The following HCRTR2 variants were observed in gnomAD, a reference collection of about 807,000 sequenced individuals.
HCRTR2 encodes orexin receptor type 2.
Under a neutral mutation model 49.0 loss-of-function variants are expected in HCRTR2, and 22 were observed. The ratio of observed to expected loss-of-function variants is 0.45; its 90% CI spans 0.32 to 0.64. The LOEUF (loss-of-function observed/expected upper bound fraction) is 0.64. HCRTR2 is among the 30% of genes least tolerant of loss of function. The pLI is 0.04. For synonymous variants in HCRTR2, 236 were observed against 205.3 expected (o/e 1.15, Z -1.28); for missense variants, 491 against 559.4 (o/e 0.88, Z 1.23).
chr6:55,205,193 CT>C (rs977589608), intron 1 of HCRTR2, among the ~76,000 whole-genome samples: 1 of 152,118 alleles, frequency 6.6e-6, no homozygotes, highest in Non-Finnish European at 1.5e-5. Context: ...TGAGGATGTA[CT>C]TTTGGGAAAT....
chr6:55,146,990 T>C (rs1764588220), intron 1 of HCRTR2, among the ~76,000 whole-genome samples: 1 of 152,168 alleles, frequency 6.6e-6, no homozygotes, highest in Non-Finnish European at 1.5e-5. Context: ...ATTTAATTGG[T>C]ATGGGATGCT....
chr6:55,158,435 C>G (rs552812747), intron 1 of HCRTR2, among the ~76,000 whole-genome samples: 2 of 152,272 alleles, frequency 1.3e-5, no homozygotes, highest in South Asian at 2.1e-4. Context: ...CCAGTGGTGC[C>G]TGGAATGCCA....
At chr6:55,160,289 G>T (rs896054612) in intron 1 of HCRTR2, among the ~76,000 whole-genome samples, 3 of 152,168 alleles carry the variant, frequency 2.0e-5, no homozygotes, top group African/African-American at 7.2e-5. Context: ...CAAATGCTGA[G>T]AAATTTTGTC....
chr6:55,116,570 T>C (rs1341757754), intron 1 of HCRTR2, among the ~76,000 whole-genome samples: 1 of 151,290 alleles, frequency 6.6e-6, no homozygotes, highest in African/African-American at 2.4e-5. Flanking sequence ...GTGGTTAAAA[T>C]TAAAAATATT....
At chr6:55,219,076 CT>C in intron 1 of HCRTR2, among the ~76,000 whole-genome samples, 1 of 152,200 alleles carries the variant, frequency 6.6e-6, no homozygotes, top group Non-Finnish European at 1.5e-5. Flanking sequence ...TCACCTGGGC[CT>C]CCCAAAGTGC....
At chr6:55,239,901 C>T (rs922004830) in intron 1 of HCRTR2, among the ~76,000 whole-genome samples, 4 of 151,374 alleles carry the variant, frequency 2.6e-5, no homozygotes, top group East Asian at 2.0e-4. Flanking sequence ...CCTTAGCCTC[C>T]GGAGTAGCTG....
chr6:55,210,852 GC>G (rs1765683588), intron 1 of HCRTR2, among the ~76,000 whole-genome samples: 2 of 152,088 alleles, frequency 1.3e-5, no homozygotes, highest in South Asian at 4.1e-4. Flanking sequence ...GGATTTAAAA[GC>G]CCTTCTAAAT....
At chr6:55,196,609 T>A (rs1457235805) in intron 1 of HCRTR2, among the ~76,000 whole-genome samples, 1 of 152,180 alleles carries the variant, frequency 6.6e-6, no homozygotes, top group Non-Finnish European at 1.5e-5. Context: ...TACCTGAGCT[T>A]TATTTTGTTT....
At chr6:55,136,481 A>G (rs1021475509) in intron 1 of HCRTR2, among the ~76,000 whole-genome samples, 1 of 152,226 alleles carries the variant, frequency 6.6e-6, no homozygotes, top group Non-Finnish European at 1.5e-5. Context: ...CACAATTACA[A>G]AAGAATAAAA....
intron 1 of HCRTR2, among the ~76,000 whole-genome samples, chr6:55,221,265 C>G (rs992451079): frequency 1.3e-5 from 2 of 152,116 alleles, no homozygotes; most frequent in African/African-American, 2.4e-5. Context: ...CTCATGCTTC[C>G]TGACTTCAAA....
At chr6:55,178,794 C>G (rs1157022644) in intron 1 of HCRTR2, among the ~76,000 whole-genome samples, 2 of 152,178 alleles carry the variant, frequency 1.3e-5, no homozygotes, top group African/African-American at 4.8e-5. Flanking sequence ...TGCCTTCTTG[C>G]CTTTAAATGA....
chr6:55,110,567 G>A (rs1764034814), intron 1 of HCRTR2, among the ~76,000 whole-genome samples: 2 of 151,832 alleles, frequency 1.3e-5, no homozygotes, highest in African/African-American at 2.4e-5. Flanking sequence ...AAAGCAAGTA[G>A]GAGTAGCTAT....
chr6:55,243,849 AC>A (rs1432184598), intron 1 of HCRTR2, among the ~76,000 whole-genome samples: 1 of 152,166 alleles, frequency 6.6e-6, no homozygotes, highest in Non-Finnish European at 1.5e-5. Flanking sequence ...CATGAAGGGT[AC>A]AACATGTGAT....
intron 1 of HCRTR2, among the ~76,000 whole-genome samples, chr6:55,141,106 G>A (rs1380614242): frequency 2.0e-5 from 3 of 151,846 alleles, no homozygotes; most frequent in South Asian, 2.1e-4. Flanking sequence ...AGGCCGATGT[G>A]GGTGGATCAC....
intron 1 of HCRTR2, among the ~76,000 whole-genome samples, chr6:55,145,479 C>T (rs1367870001): frequency 4.0e-5 from 6 of 150,620 alleles, no homozygotes; most frequent in Non-Finnish European, 7.4e-5. Flanking sequence ...GGCGCGATCT[C>T]GGCTCACTGC....
chr6:55,113,756 A>G (rs1285995214), intron 1 of HCRTR2, among the ~76,000 whole-genome samples: 1 of 152,026 alleles, frequency 6.6e-6, no homozygotes, highest in African/African-American at 2.4e-5. Flanking sequence ...AAAAAGCTCA[A>G]AGTAGACCTA....
chr6:55,251,318 G>A (rs1029211173), intron 2 of HCRTR2, among the ~76,000 whole-genome samples: 1 of 152,028 alleles, frequency 6.6e-6, no homozygotes, highest in Admixed American at 6.6e-5. Flanking sequence ...ATGCTGTAAC[G>A]CATTGGCAAA....
chr6:55,134,622 C>T (rs1764409037), intron 1 of HCRTR2, among the ~76,000 whole-genome samples: 1 of 151,846 alleles, frequency 6.6e-6, no homozygotes, highest in African/African-American at 2.4e-5. Flanking sequence ...AACATCTCCC[C>T]ATTTTCTCCA....
chr6:55,157,964 C>A (rs958302855), intron 1 of HCRTR2, among the ~76,000 whole-genome samples: 6 of 152,096 alleles, frequency 3.9e-5, no homozygotes, highest in Admixed American at 3.9e-4. Flanking sequence ...TTCTCAATGC[C>A]CAGAAACTGA....
Sources: allele counts gnomAD v4.1 joint callset (sites outside exome capture counted in the v4.1 genomes callset), GRCh38; gene constraint gnomAD v4.1.1; transcripts MANE v1.5; gene names NCBI Gene and HGNC (gene_info 2026-07-23, HGNC 2026-07-21).